Variants in OR5K1 observed in about 807,000 individuals in gnomAD.
OR5K1 encodes olfactory receptor 5K1.
In OR5K1, 7 loss-of-function variants were observed where a neutral mutation model predicts 10.4. That is an observed-to-expected ratio of 0.67 (90% CI 0.38 to 1.26). The LOEUF (loss-of-function observed/expected upper bound fraction) is 1.26. Among genes scored for constraint, OR5K1 ranks in the 50% most tolerant of loss-of-function variants. The probability of loss-of-function intolerance (pLI) is 0.02; values close to 1 mark genes in which losing one functional copy is unlikely to be tolerated. For missense variants in OR5K1, 435 were observed against 366.2 expected (o/e 1.19, Z -1.53); for synonymous variants, 135 against 128.5 (o/e 1.05, Z -0.34).
At position 98,470,959 on chromosome 3, in the gene OR5K1, A is replaced by G. The variant is rs1705440072; in HGVS notation, c.*456A>G. The G allele has an allele frequency of 6.5e-6, 1 of 152,758 alleles. No homozygotes were observed. The highest frequency in any genetic ancestry group is 2.4e-5 in the African/African-American group (1 of 41,446). The allele number at this position is 152,758 out of a possible 1,614,324, so 9.5% of individuals were successfully genotyped here. A position where few individuals can be genotyped will look rare whatever the true frequency, so the allele number is the denominator to read the frequency against. On this transcript the variant is annotated 3_prime_UTR_variant, in exon 2 of 2. Transcript: ENST00000642057. ...TGATGGTCAACCAGTAAAATCACTTACATCCATGAGCAACAAAATTGTGAC... is the reference window on the plus strand; with the variant it reads ...TGATGGTCAACCAGTAAAATCACTTGCATCCATGAGCAACAAAATTGTGAC...
intron 1 of OR5K1, among the ~76,000 whole-genome samples, chr3:98,468,108 C>A (rs1490474251): frequency 6.6e-6 from 1 of 152,108 alleles, no homozygotes; most frequent in East Asian, 1.9e-4. Context: ...TGGATGGTTT[C>A]TAGTATAGGC....
Position 98,471,356 on chromosome 3 carries a change from T to C in OR5K1, c.*853T>C, listed in dbSNP as rs911775200. On this transcript the variant is annotated 3_prime_UTR_variant, in exon 2 of 2. Coordinates refer to ENST00000642057, the MANE Select transcript of OR5K1 (RefSeq NM_001004736.4). ...ACCACTACCCTGGGTATATTATATA[T>C]AGAAATGTAAAACATAGTGTTGTTA... The C allele has an allele frequency of 1.3e-5, 2 of 152,014 alleles. No individual in the cohort carries two copies. The highest frequency in any genetic ancestry group is 4.8e-5 in the African/African-American group (2 of 41,438). The allele number at this position is 152,014 out of a possible 1,614,324, so 9.4% of individuals were successfully genotyped here.
chr3:98,468,377 A>T (rs1304903381), intron 1 of OR5K1, among the ~76,000 whole-genome samples: 2 of 152,154 alleles, frequency 1.3e-5, no homozygotes, highest in African/African-American at 4.8e-5. Context: ...GTGTAGTTCA[A>T]TAGAATTAAA....
intron 1 of OR5K1, among the ~76,000 whole-genome samples, chr3:98,468,046 T>C (rs1045472649): frequency 5.9e-5 from 9 of 152,140 alleles, no homozygotes; most frequent in African/African-American, 9.7e-5. Flanking sequence ...TTAAATTTCA[T>C]GCACACATGA....
intron 1 of OR5K1, among the ~76,000 whole-genome samples, chr3:98,465,348 A>G (rs1559639244): frequency 2.0e-5 from 3 of 152,166 alleles, no homozygotes; most frequent in Non-Finnish European, 2.9e-5. Flanking sequence ...TGAATGATTC[A>G]CATTTATTTC....
intron 1 of OR5K1, 107 bp from the exon 2 acceptor site, chr3:98,469,459 A>G: frequency 4.7e-6 from 5 of 1,071,740 alleles, no homozygotes; most frequent in Non-Finnish European, 6.7e-6. Flanking sequence ...TCCAGGCAAC[A>G]TGAGGAAACA....
At chr3:98,467,968 T>C (rs1705393669) in intron 1 of OR5K1, among the ~76,000 whole-genome samples, 1 of 152,050 alleles carries the variant, frequency 6.6e-6, no homozygotes, top group Non-Finnish European at 1.5e-5. Flanking sequence ...AGGGCATCCC[T>C]ATCTTGTGCC....
chr3:98,471,269 G>A lies in OR5K1; in HGVS notation c.*766G>A, dbSNP rs1705443592. 1 of 151,956 alleles carries A rather than the reference G, an allele frequency of 6.6e-6. No homozygotes were observed. The highest frequency in any genetic ancestry group is 6.6e-5 in the Admixed American group (1 of 15,218). The allele number at this position is 151,956 out of a possible 1,614,324, so 9.4% of individuals were successfully genotyped here. ...GGATTTGAAGAGCTTCTTTGTTAGTGAGTTAGGTGCAATGTCTCTGTGCTC... is the reference window on the plus strand; with the variant it reads ...GGATTTGAAGAGCTTCTTTGTTAGTAAGTTAGGTGCAATGTCTCTGTGCTC... On this transcript the variant is annotated 3_prime_UTR_variant, in exon 2 of 2. Coordinates refer to ENST00000642057, the MANE Select transcript of OR5K1 (RefSeq NM_001004736.4).
Position 98,470,124 on chromosome 3 carries a change from C to G in OR5K1, c.548C>G (p.Pro183Arg). The change falls in exon 2 of 2, where the codon CCC becomes CGC. Residue 183 changes from proline to arginine, a missense_variant. Coordinates refer to ENST00000642057, the MANE Select transcript of OR5K1 (RefSeq NM_001004736.4). ...AACCACTTTTACTGTGATATTCTTC[C>G]CTTGTATAGACTCTCTTGTGTTGAT... is the stretch of plus-strand genomic sequence containing the variant. ...HINHFYCDIL[P>R]LYRLSCVDPY... 6.2e-7 allele frequency: 1 copy of G among 1,613,552 alleles called. No homozygotes were observed. Among genetic ancestry groups the G allele is most frequent in the South Asian group, 1.1e-5 (1 of 91,078 alleles).
rs1350000047 is a variant in OR5K1 at position 98,472,048 on chromosome 3, A to T, written c.*1545A>T. 6.6e-6 allele frequency: 1 copy of T among 152,044 alleles called. No individual in the cohort carries two copies. Among genetic ancestry groups the T allele is most frequent in the East Asian group, 1.9e-4 (1 of 5,172 alleles). The allele number at this position is 152,044 out of a possible 1,614,324, so 9.4% of individuals were successfully genotyped here. A position where few individuals can be genotyped will look rare whatever the true frequency, so the allele number is the denominator to read the frequency against. On this transcript the variant is annotated 3_prime_UTR_variant, in exon 2 of 2. Coordinates refer to ENST00000642057, the MANE Select transcript of OR5K1 (RefSeq NM_001004736.4). The stretch of plus-strand genomic sequence containing the variant: ...TGCCTGGTATCATGGCACTGAGCAC[A>T]GGTGCCAGATTATATATGAGCTCTG...
chr3:98,466,040 C>A (rs1460619262), intron 1 of OR5K1, among the ~76,000 whole-genome samples: 1 of 151,932 alleles, frequency 6.6e-6, no homozygotes, highest in Non-Finnish European at 1.5e-5. Flanking sequence ...CAATGCTATC[C>A]CTCCCCGGTC....
chr3:98,468,617 C>T (rs972437537), intron 1 of OR5K1, among the ~76,000 whole-genome samples: 4 of 152,042 alleles, frequency 2.6e-5, no homozygotes, highest in African/African-American at 9.7e-5. Flanking sequence ...AGCATTATGT[C>T]TCCAAGGTTG....
At chr3:98,465,386 C>A (rs1251235101) in intron 1 of OR5K1, among the ~76,000 whole-genome samples, 17 of 152,078 alleles carry the variant, frequency 1.1e-4, no homozygotes, top group Admixed American at 1.1e-3. Context: ...GGTTATACCA[C>A]CACTTTTAGA....
chr3:98,469,407 T>C, intron 1 of OR5K1, 159 bp from the exon 2 acceptor site: 1 of 648,022 alleles, frequency 1.5e-6, no homozygotes. Flanking sequence ...GTAATTCCTT[T>C]ATGGAAATTC....
At position 98,472,769 on chromosome 3, in the gene OR5K1, G is replaced by A. The variant is rs1366761929; in HGVS notation, c.*2266G>A. The A allele has an allele frequency of 6.6e-6, 1 of 151,862 alleles. No individual in the cohort carries two copies. Among genetic ancestry groups the A allele is most frequent in the Admixed American group, 6.6e-5 (1 of 15,192 alleles). 9.4% of individuals were successfully genotyped at this position (151,862 alleles called of 1,614,324 possible). On this transcript the variant is annotated 3_prime_UTR_variant, in exon 2 of 2. Coordinates refer to ENST00000642057, the MANE Select transcript of OR5K1 (RefSeq NM_001004736.4). ...TTTCTTATATCAAAAAATGTGAACT[G>A]CCCTGGTTACTGTCTGAAACGGCAG...
rs780651965 is a variant in OR5K1, at chr3:98,469,732, C to T, written c.156C>T (p.His52=). Reference sequence around the variant, plus strand: ...GTTTGGTGGCACTGATATTTACACACCGTCGGCTTCACACACCAATGTACA... The same window carrying T: ...GTTTGGTGGCACTGATATTTACACATCGTCGGCTTCACACACCAATGTACA... ...NISLVALIFT[H]RRLHTPMYIF... The change falls in exon 2 of 2, where the codon CAC becomes CAT. Residue 52 remains histidine, a synonymous_variant. Coordinates refer to ENST00000642057, the MANE Select transcript of OR5K1 (RefSeq NM_001004736.4). 6.2e-7 allele frequency: 1 copy of T among 1,613,814 alleles called. No individual in the cohort carries two copies. Among genetic ancestry groups the T allele is most frequent in the Non-Finnish European group, 8.5e-7 (1 of 1,179,818 alleles).
chr3:98,468,876 A>G (rs1705405787), intron 1 of OR5K1, among the ~76,000 whole-genome samples: 1 of 152,134 alleles, frequency 6.6e-6, no homozygotes, highest in Non-Finnish European at 1.5e-5. Flanking sequence ...TGACATTTAA[A>G]TTATGAATCA....
At position 98,469,926 on chromosome 3, in the gene OR5K1, C is replaced by A. The variant is rs761607298; in HGVS notation, c.350C>A (p.Ala117Glu). ...VETADCFLLA[A>E]MAYDRYVAIC... ...ACTGCAGACTGCTTTCTTCTGGCAG[C>A]AATGGCCTATGACCGCTATGTGGCC... The change falls in exon 2 of 2, where the codon GCA (alanine) becomes GAA (glutamate). Residue 117 changes from alanine to glutamate, a missense_variant. Coordinates refer to ENST00000642057, the MANE Select transcript of OR5K1 (RefSeq NM_001004736.4). 1.2e-6 allele frequency: 2 copies of A among 1,613,774 alleles called. No individual in the cohort carries two copies. Among genetic ancestry groups the A allele is most frequent in the Admixed American group, 3.3e-5 (2 of 59,888 alleles).
At chr3:98,464,454 G>A (rs1436265964) in intron 1 of OR5K1, among the ~76,000 whole-genome samples, 1 of 152,084 alleles carries the variant, frequency 6.6e-6, no homozygotes, top group East Asian at 1.9e-4. Context: ...GAAATATCTA[G>A]GAGGGTCAGT....
Sources: gnomAD v4.1 joint callset for allele counts (sites outside exome capture counted in the v4.1 genomes callset) on GRCh38, gnomAD v4.1.1 for gene constraint, MANE v1.5 for transcripts, NCBI Gene and HGNC (gene_info 2026-07-23, HGNC 2026-07-21) for gene names.